SNTB1: variants seen among roughly 807,000 people sequenced by gnomAD.
The protein encoded by SNTB1 is syntrophin beta 1.
A neutral mutation model predicts 48.9 loss-of-function variants in SNTB1; 36 were observed. That is an observed-to-expected ratio of 0.74 (90% CI 0.56 to 0.97). The LOEUF (loss-of-function observed/expected upper bound fraction) is 0.97. Ranked by LOEUF, SNTB1 falls within the 50% of genes least tolerant of loss-of-function variation. The pLI, the probability that SNTB1 is intolerant of heterozygous loss-of-function variation, is 0.00. For synonymous variants in SNTB1, 299 were observed against 294.6 expected, an observed-to-expected ratio of 1.01 and a Z score of -0.15; for missense variants, 786 against 703.4, an observed-to-expected ratio of 1.12 and a Z score of -1.33.
At chr8:120,546,204 C>A (rs1367647823) in intron 5 of SNTB1, among the ~76,000 whole-genome samples, 1 of 152,134 alleles carries the variant, frequency 6.6e-6, no homozygotes, top group East Asian at 1.9e-4. Flanking sequence ...GGGTACTAGC[C>A]ACTATGACAC....
intron 5 of SNTB1, 68 bp downstream of exon 5, chr8:120,548,694 G>A: frequency 4.9e-6 from 7 of 1,429,642 alleles, no homozygotes; most frequent in Non-Finnish European, 6.8e-6. Context: ...CTACTTTAAG[G>A]CCCCGGTGGA....
chr8:120,615,938 A>T (rs1816707140), intron 3 of SNTB1, among the ~76,000 whole-genome samples: 1 of 150,846 alleles, frequency 6.6e-6, no homozygotes, highest in Admixed American at 6.6e-5. Context: ...TTTCCTACCA[A>T]TTTTTTCCTT....
chr8:120,725,631 C>G (rs1167329601), intron 1 of SNTB1, among the ~76,000 whole-genome samples: 4 of 152,092 alleles, frequency 2.6e-5, no homozygotes, highest in Admixed American at 6.6e-5. Flanking sequence ...TAATTTTGCA[C>G]CAACCTAATA....
chr8:120,578,101 C>T (rs1409441986), intron 3 of SNTB1, among the ~76,000 whole-genome samples: 2 of 152,034 alleles, frequency 1.3e-5, no homozygotes, highest in African/African-American at 2.4e-5. Flanking sequence ...GGTGCGATCT[C>T]GGTTCACTGC....
chr8:120,727,058 AG>A (rs1227891284), intron 1 of SNTB1, among the ~76,000 whole-genome samples: 4 of 152,202 alleles, frequency 2.6e-5, no homozygotes, highest in Admixed American at 1.3e-4. Context: ...GATGTTCTCC[AG>A]GATAGGTTGG....
At chr8:120,687,957 C>A (rs1486575799) in intron 2 of SNTB1, among the ~76,000 whole-genome samples, 1 of 152,172 alleles carries the variant, frequency 6.6e-6, no homozygotes, top group African/African-American at 2.4e-5. Flanking sequence ...ATTGTGGTGA[C>A]ATCACTAAGG....
Position 120,613,205 on chromosome 8 carries a change from G to C in SNTB1, c.996+19239C>G, listed in dbSNP as rs185088495. 1.6e-3 allele frequency among the ~76,000 whole-genome samples: 247 copies of C among 152,160 alleles called. 1 individual carries two copies. The highest frequency in any genetic ancestry group is 3.4e-3 in the Middle Eastern group (1 of 294). ...TGTCTACTAAGAATACAAAAAATTA[G>C]CCAGGCATGGTGGTGGGCGCCTATA... On this transcript the variant is annotated intron_variant, in intron 3 of 6. Coordinates refer to ENST00000517992, the MANE Select transcript of SNTB1 (RefSeq NM_021021.4).
chr8:120,766,024 C>A (rs979231210), intron 1 of SNTB1, among the ~76,000 whole-genome samples: 6 of 152,146 alleles, frequency 3.9e-5, no homozygotes, highest in Non-Finnish European at 7.4e-5. Flanking sequence ...CAGTTTACGG[C>A]ACTCTTCTTT....
In SNTB1 at chr8:120,765,081, C is replaced by T. The variant is rs1408287340; in HGVS notation, c.571+46192G>A. Among the ~76,000 whole-genome samples the T allele has an allele frequency of 3.3e-5, 5 of 152,114 alleles. No homozygotes were observed. The East Asian group carries it at 7.7e-4, about 24-fold the overall frequency. On this transcript the variant is annotated intron_variant, in intron 1 of 6. Coordinates refer to ENST00000517992, the MANE Select transcript of SNTB1 (RefSeq NM_021021.4). ...TCACTACTAAAAATAAAAATTTAGCCGGGCATGGCAGCAGGCACCTGTAGT... is the reference window on the plus strand; with the variant it reads ...TCACTACTAAAAATAAAAATTTAGCTGGGCATGGCAGCAGGCACCTGTAGT...
chr8:120,552,952 A>G (rs1172183131), intron 4 of SNTB1, among the ~76,000 whole-genome samples: 6 of 152,038 alleles, frequency 3.9e-5, no homozygotes, highest in Admixed American at 3.3e-4. Context: ...ATAAGGAGCA[A>G]TAGAGTTAGA....
intron 1 of SNTB1, among the ~76,000 whole-genome samples, chr8:120,780,384 T>C (rs1819814017): frequency 6.6e-6 from 1 of 152,214 alleles, no homozygotes; most frequent in African/African-American, 2.4e-5. Flanking sequence ...TCCACTTTGG[T>C]GAGTCATTCA....
intron 1 of SNTB1, among the ~76,000 whole-genome samples, chr8:120,712,481 C>T (rs1818480648): frequency 6.6e-6 from 1 of 151,308 alleles, no homozygotes; most frequent in East Asian, 1.9e-4. Context: ...TACACACCAT[C>T]CTAAATTTTT....
At chr8:120,631,969 A>G (rs140511506) in intron 3 of SNTB1, among the ~76,000 whole-genome samples, 6 of 152,358 alleles carry the variant, frequency 3.9e-5, no homozygotes, top group Admixed American at 2.0e-4. Flanking sequence ...GAAAAGAGCC[A>G]GCATATAGTA....
chr8:120,766,342 C>T (rs75046067), intron 1 of SNTB1, among the ~76,000 whole-genome samples: 3,503 of 152,098 alleles, frequency 0.023, 134 homozygotes, highest in African/African-American at 0.08. Context: ...CAGGTATGAC[C>T]GATTATAAAG....
At chr8:120,550,542 T>TTA (rs578062365) in intron 4 of SNTB1, among the ~76,000 whole-genome samples, 12 of 126,674 alleles carry the variant, frequency 9.5e-5, no homozygotes, top group African/African-American at 3.5e-4. Context: ...ACTCTGTCTT[T>TTA]AAAAAAAAAA....
chr8:120,557,544 A>G (rs1160618858), intron 4 of SNTB1, among the ~76,000 whole-genome samples: 1 of 152,238 alleles, frequency 6.6e-6, no homozygotes, highest in Non-Finnish European at 1.5e-5. Flanking sequence ...TTCTGTTGCC[A>G]GCAAAGTGAT....
intron 3 of SNTB1, among the ~76,000 whole-genome samples, chr8:120,622,514 G>A (rs1816810078): frequency 6.6e-6 from 1 of 151,982 alleles, no homozygotes; most frequent in Non-Finnish European, 1.5e-5. Context: ...AACATATAAG[G>A]ATGCAAAGAA....
intron 2 of SNTB1, among the ~76,000 whole-genome samples, chr8:120,680,011 T>C (rs1817903201): frequency 6.6e-6 from 1 of 152,212 alleles, no homozygotes; most frequent in Admixed American, 6.5e-5. Flanking sequence ...TGTCTGTACT[T>C]ACACTAGTTC....
intron 2 of SNTB1, among the ~76,000 whole-genome samples, chr8:120,653,896 G>A (rs930492713): frequency 2.6e-5 from 4 of 151,326 alleles, no homozygotes; most frequent in Non-Finnish European, 4.4e-5. Context: ...AAAATTAGCC[G>A]GGCATTGTGG....
Sources: gnomAD v4.1 joint callset for allele counts (sites outside exome capture counted in the v4.1 genomes callset) on GRCh38, gnomAD v4.1.1 for gene constraint, MANE v1.5 for transcripts, NCBI Gene and HGNC (gene_info 2026-07-23, HGNC 2026-07-21) for gene names.